Variants in KIF6 observed in about 807,000 individuals in gnomAD.
KIF6 encodes kinesin-like protein KIF6.
Under a neutral mutation model 112.7 loss-of-function variants are expected in KIF6, and 106 were observed. The observed-to-expected ratio is 0.94, with a 90% CI of 0.80 to 1.11. The LOEUF (loss-of-function observed/expected upper bound fraction) is 1.11, where lower values mean the gene tolerates loss of function less well. Ranked by LOEUF, KIF6 falls within the 50% of genes least tolerant of loss-of-function variation. The pLI is 0.00. For missense variants in KIF6, 929 were observed against 964.0 expected (o/e 0.96, Z 0.48); for synonymous variants, 339 against 339.9 (o/e 1.00, Z 0.03).
At position 39,380,427 on chromosome 6, in the gene KIF6, T is replaced by C. The variant is rs1246920101; in HGVS notation, c.1861+5195A>G. Among the ~76,000 whole-genome samples, 4 of 152,362 alleles carry C rather than the reference T, an allele frequency of 2.6e-5. No individual in the cohort carries two copies. The South Asian group carries it at 6.2e-4, about 24-fold the overall frequency. ...AGGACCAGGGTTCGGTAGATGTTTA[T>C]GTTTCCTGATGTATCTTGGGTGAGT... On this transcript the variant is annotated intron_variant, in intron 16 of 22. Coordinates refer to ENST00000287152, the MANE Select transcript of KIF6 (RefSeq NM_145027.6).
Position 39,346,086 on chromosome 6 carries a change from C to CTCTCTCTCTCTCTCTCT in KIF6, c.2232-298_2232-297insAGAGAGAGAGAGAGAGA, listed in dbSNP as rs1326236666. Among the ~76,000 whole-genome samples the CTCTCTCTCTCTCTCTCT allele has an allele frequency of 9.0e-3, 242 of 26,990 alleles. 58 individuals carry two copies. The highest frequency in any genetic ancestry group is 0.013 in the African/African-American group (78 of 5,794). The allele number at this position is 26,990 out of a possible 152,430, so 17.7% of individuals were successfully genotyped here. On this transcript the variant is annotated intron_variant, in intron 20 of 22. Transcript: ENST00000287152. The stretch of plus-strand genomic sequence containing the variant: ...TCTCTCTCTCTCTCTCTCTCTCTCT[C>CTCTCTCTCTCTCTCTCT]CCCCCCCTCTCCCTCCCCCCCTCCC...
chr6:39,697,986 A>G (rs1381264740), intron 3 of KIF6, among the ~76,000 whole-genome samples: 1 of 152,232 alleles, frequency 6.6e-6, no homozygotes, highest in Non-Finnish European at 1.5e-5. Flanking sequence ...TTACTCATAT[A>G]ATATTACTCA....
At chr6:39,644,622 T>G (rs62403327) in intron 3 of KIF6, among the ~76,000 whole-genome samples, 3 of 151,956 alleles carry the variant, frequency 2.0e-5, no homozygotes, top group African/African-American at 7.3e-5. Flanking sequence ...TCCATAGAGA[T>G]AGAAAGTAGG....
intron 5 of KIF6, among the ~76,000 whole-genome samples, chr6:39,622,628 T>TTGTTC (rs1255752847): frequency 6.6e-6 from 1 of 152,208 alleles, no homozygotes; most frequent in African/African-American, 2.4e-5. Context: ...GGCTTTGATT[T>TTGTTC]TGTTCAGGGA....
chr6:39,400,696 G>A (rs753191480), intron 15 of KIF6, among the ~76,000 whole-genome samples: 2 of 152,200 alleles, frequency 1.3e-5, no homozygotes, highest in African/African-American at 4.8e-5. Context: ...TCAGCTTCAT[G>A]CGACAGGATT....
chr6:39,539,489 G>T (rs1030331247), intron 13 of KIF6, among the ~76,000 whole-genome samples: 2 of 151,892 alleles, frequency 1.3e-5, no homozygotes, highest in African/African-American at 2.4e-5. Context: ...GATTACAGGC[G>T]CGCACCACCA....
At chr6:39,469,060 T>C (rs1402249319) in intron 13 of KIF6, among the ~76,000 whole-genome samples, 2 of 151,942 alleles carry the variant, frequency 1.3e-5, no homozygotes, top group Non-Finnish European at 2.9e-5. Context: ...TGAATAGAGA[T>C]ATATAGGATT....
At chr6:39,438,457 G>C (rs1287978567) in intron 13 of KIF6, among the ~76,000 whole-genome samples, 1 of 152,052 alleles carries the variant, frequency 6.6e-6, no homozygotes, top group Non-Finnish European at 1.5e-5. Context: ...TGTGGAGGTG[G>C]AAGACAGTGA....
rs184310773 is a variant in KIF6, at chr6:39,363,448, C to T, written c.1862-930G>A. On this transcript the variant is annotated intron_variant, in intron 16 of 22. Transcript: ENST00000287152. The stretch of plus-strand genomic sequence containing the variant: ...ATCAGCTGCTGCGTGTGTCTGCGTC[C>T]CTGCTGATGCCGACCTCTGTCTTCC... 3.4e-3 allele frequency among the ~76,000 whole-genome samples: 514 copies of T among 152,052 alleles called. 1 individual carries two copies. Among genetic ancestry groups the T allele is most frequent in the Middle Eastern group, 6.8e-3 (2 of 294 alleles).
chr6:39,598,293 A>C (rs928444928), intron 6 of KIF6, among the ~76,000 whole-genome samples: 2 of 152,190 alleles, frequency 1.3e-5, no homozygotes, highest in African/African-American at 4.8e-5. Context: ...GAAATCTGGA[A>C]ATGGTTAATG....
chr6:39,348,441 C>A (rs1763967605), intron 19 of KIF6, among the ~76,000 whole-genome samples: 1 of 152,086 alleles, frequency 6.6e-6, no homozygotes, highest in South Asian at 2.1e-4. Context: ...AGGCTGGGGG[C>A]TCTCGAGGGA....
intron 3 of KIF6, among the ~76,000 whole-genome samples, chr6:39,641,782 T>C (rs920885570): frequency 6.6e-6 from 1 of 152,058 alleles, no homozygotes; most frequent in African/African-American, 2.4e-5. Context: ...ATCTGCTAAG[T>C]GTTATGTCTA....
At chr6:39,539,669 G>A (rs1357457745) in intron 13 of KIF6, among the ~76,000 whole-genome samples, 1 of 152,150 alleles carries the variant, frequency 6.6e-6, no homozygotes, top group Non-Finnish European at 1.5e-5. Context: ...TAGTTTTCCT[G>A]CAGATAGTTC....
At chr6:39,470,498 G>A (rs1423331388) in intron 13 of KIF6, among the ~76,000 whole-genome samples, 1 of 152,174 alleles carries the variant, frequency 6.6e-6, no homozygotes, top group Non-Finnish European at 1.5e-5. Context: ...TCTGCCAGTT[G>A]ACTGTCCTCA....
intron 10 of KIF6, among the ~76,000 whole-genome samples, chr6:39,575,359 C>T (rs1254865659): frequency 6.6e-6 from 1 of 151,966 alleles, no homozygotes; most frequent in African/African-American, 2.4e-5. Flanking sequence ...CAAGCTCTGC[C>T]TCCCGGGTTG....
intron 18 of KIF6, 60 bp downstream of exon 18, chr6:39,360,335 C>T: frequency 6.3e-7 from 1 of 1,596,118 alleles, no homozygotes. Flanking sequence ...CTCTTGACAG[C>T]CCCAGTGGGG....
intron 22 of KIF6, among the ~76,000 whole-genome samples, chr6:39,339,565 G>A (rs958748612): frequency 2.6e-5 from 4 of 152,082 alleles, no homozygotes; most frequent in Non-Finnish European, 4.4e-5. Flanking sequence ...TATGGGGGTC[G>A]CACCATGGTT....
intron 13 of KIF6, among the ~76,000 whole-genome samples, chr6:39,456,870 G>T (rs559492059): frequency 1.3e-5 from 2 of 150,786 alleles, no homozygotes; most frequent in East Asian, 3.9e-4. Context: ...GATTCATAAA[G>T]CAAGTCCTGA....
At chr6:39,358,806 T>C (rs1477353936) in intron 18 of KIF6, among the ~76,000 whole-genome samples, 1 of 152,244 alleles carries the variant, frequency 6.6e-6, no homozygotes, top group Non-Finnish European at 1.5e-5. Context: ...TAGCAATACC[T>C]GTGACTTTGT....
Sources: gnomAD v4.1 joint callset for allele counts (sites outside exome capture counted in the v4.1 genomes callset) on GRCh38, gnomAD v4.1.1 for gene constraint, MANE v1.5 for transcripts, NCBI Gene and HGNC (gene_info 2026-07-23, HGNC 2026-07-21) for gene names.